Variants in RIMS2 observed in about 807,000 individuals in gnomAD.
The protein encoded by RIMS2 is regulating synaptic membrane exocytosis protein 2.
RIMS2 carries 59 observed loss-of-function variants against 174.4 expected under a neutral mutation model. The observed-to-expected ratio is 0.34, with a 90% confidence interval of 0.27 to 0.42. RIMS2 has a LOEUF of 0.42. RIMS2 is among the 10% of genes least tolerant of loss of function. The pLI, the probability that RIMS2 is intolerant of heterozygous loss-of-function variation, is 1.00. For synonymous variants in RIMS2, 606 were observed against 572.5 expected, an observed-to-expected ratio of 1.06 and a Z score of -0.84; for missense variants, 1,620 against 1,666.3, an observed-to-expected ratio of 0.97 and a Z score of 0.48.
At chr8:103,584,315 G>T (rs1394820103) in intron 1 of RIMS2, among the ~76,000 whole-genome samples, 1 of 152,090 alleles carries the variant, frequency 6.6e-6, no homozygotes, top group Non-Finnish European at 1.5e-5. Flanking sequence ...ATCAATACTA[G>T]ACCTGTCATC....
At chr8:103,991,984 G>A (rs910226129) in intron 17 of RIMS2, among the ~76,000 whole-genome samples, 6 of 152,216 alleles carry the variant, frequency 3.9e-5, no homozygotes, top group Admixed American at 6.5e-5. Context: ...TTGAAAATAC[G>A]TGCTTTAACC....
At chr8:104,174,269 A>G (rs1279320325) in intron 19 of RIMS2, among the ~76,000 whole-genome samples, 7 of 152,124 alleles carry the variant, frequency 4.6e-5, no homozygotes, top group Admixed American at 4.6e-4. Flanking sequence ...TTTAACCATT[A>G]CTAAAGAAGT....
chr8:103,921,392 C>T (rs955716831), intron 9 of RIMS2, among the ~76,000 whole-genome samples: 1 of 152,100 alleles, frequency 6.6e-6, no homozygotes, highest in Non-Finnish European at 1.5e-5. Flanking sequence ...ATATAGTACA[C>T]TTAACAGATA....
chr8:104,183,648 A>G (rs2098952458), intron 19 of RIMS2, among the ~76,000 whole-genome samples: 1 of 151,610 alleles, frequency 6.6e-6, no homozygotes, highest in Non-Finnish European at 1.5e-5. Flanking sequence ...TAGAGATGAA[A>G]TTGTTAGGAA....
At chr8:103,516,381 T>C (rs185459742) in intron 1 of RIMS2, among the ~76,000 whole-genome samples, 30 of 152,264 alleles carry the variant, frequency 2.0e-4, no homozygotes, top group East Asian at 1.3e-3. Flanking sequence ...CTCATACTTA[T>C]ATTTTCAAAA....
intron 2 of RIMS2, among the ~76,000 whole-genome samples, chr8:103,750,040 A>G (rs1192403364): frequency 6.6e-6 from 1 of 152,124 alleles, no homozygotes; most frequent in Non-Finnish European, 1.5e-5. Context: ...AACAGTGGGT[A>G]TATCCTACAA....
At chr8:103,942,436 A>T (rs2082747864) in intron 13 of RIMS2, among the ~76,000 whole-genome samples, 1 of 152,104 alleles carries the variant, frequency 6.6e-6, no homozygotes, top group African/African-American at 2.4e-5. Context: ...ATGCTTTTTA[A>T]ATTCTAAAAT....
At chr8:103,713,158 A>G (rs904029634) in intron 2 of RIMS2, among the ~76,000 whole-genome samples, 9 of 152,136 alleles carry the variant, frequency 5.9e-5, no homozygotes, top group African/African-American at 2.2e-4. Flanking sequence ...AGCTGGGATT[A>G]CAGGCACACA....
intron 19 of RIMS2, among the ~76,000 whole-genome samples, chr8:104,205,846 C>G (rs1210816815): frequency 6.6e-6 from 1 of 151,590 alleles, no homozygotes; most frequent in Non-Finnish European, 1.5e-5. Flanking sequence ...ACCTCTGCCT[C>G]CCGGCTTCAA....
rs532104686 is a variant in RIMS2 at position 104,108,457 on chromosome 8, A to ATT, written c.3334+93851_3334+93852dup. The stretch of plus-strand genomic sequence containing the variant: ...CAGGCATGCACCACCACACCTGGCT[A>ATT]TTTTTTTTTTAATTTTCATTTCTGT... On this transcript the variant is annotated intron_variant, in intron 19 of 23. Coordinates refer to ENST00000504942, the Ensembl canonical transcript of RIMS2. Among the ~76,000 whole-genome samples the ATT allele has an allele frequency of 2.4e-4, 36 of 148,406 alleles. 1 individual carries two copies. The highest frequency in any genetic ancestry group is 2.4e-3 in the Admixed American group (35 of 14,876).
intron 21 of RIMS2, 151 bp from the exon 28 acceptor site, chr8:104,249,336 A>C: frequency 1.9e-6 from 1 of 521,544 alleles, no homozygotes. Context: ...TGCTTTTTAA[A>C]GGAAGATATT....
intron 1 of RIMS2, among the ~76,000 whole-genome samples, chr8:103,642,842 C>A (rs1326220024): frequency 6.6e-6 from 1 of 151,612 alleles, no homozygotes; most frequent in Non-Finnish European, 1.5e-5. Flanking sequence ...AAAATGTCAT[C>A]TTTGTCTTTC....
intron 1 of RIMS2, among the ~76,000 whole-genome samples, chr8:103,562,729 T>G (rs2091787125): frequency 6.6e-6 from 1 of 152,136 alleles, no homozygotes; most frequent in Non-Finnish European, 1.5e-5. Context: ...GACCCCACAT[T>G]TCCTTTCTCC....
chr8:103,821,730 A>G (rs2154473414), intron 3 of RIMS2, among the ~76,000 whole-genome samples: 1 of 151,762 alleles, frequency 6.6e-6, no homozygotes, highest in South Asian at 2.1e-4. Flanking sequence ...ATAAATGCCT[A>G]TGCATCCTGC....
At chr8:104,207,819 A>C (rs559980345) in intron 19 of RIMS2, among the ~76,000 whole-genome samples, 1 of 149,526 alleles carries the variant, frequency 6.7e-6, no homozygotes, top group African/African-American at 2.4e-5. Context: ...TTCTCAAAAA[A>C]ATATATATAT....
intron 17 of RIMS2, among the ~76,000 whole-genome samples, chr8:103,998,521 A>G (rs1030242975): frequency 6.6e-6 from 1 of 151,718 alleles, no homozygotes; most frequent in Non-Finnish European, 1.5e-5. Flanking sequence ...TTAACTCTCT[A>G]TTTATCTACA....
intron 19 of RIMS2, among the ~76,000 whole-genome samples, chr8:104,117,361 T>C (rs2098295119): frequency 6.6e-6 from 1 of 152,164 alleles, no homozygotes; most frequent in African/African-American, 2.4e-5. Context: ...AAAATTTATA[T>C]AAGAATATAT....
chr8:103,730,312 T>A (rs2097575543), intron 2 of RIMS2, among the ~76,000 whole-genome samples: 1 of 152,162 alleles, frequency 6.6e-6, no homozygotes, highest in Non-Finnish European at 1.5e-5. Flanking sequence ...CTAATAATAT[T>A]TGCCTTCTAT....
At chr8:103,661,537 T>G (rs956927407) in intron 1 of RIMS2, among the ~76,000 whole-genome samples, 14 of 152,136 alleles carry the variant, frequency 9.2e-5, no homozygotes, top group Non-Finnish European at 2.9e-5. Context: ...AGAGTCTCGC[T>G]CTGTCACCCA....
Sources: allele counts gnomAD v4.1 joint callset (sites outside exome capture counted in the v4.1 genomes callset), GRCh38; gene constraint gnomAD v4.1.1; transcripts MANE v1.5; gene names NCBI Gene and HGNC (gene_info 2026-07-23, HGNC 2026-07-21).